The following RBFOX1 variants were observed in gnomAD, a reference collection of about 807,000 sequenced individuals.
RBFOX1 encodes the protein RNA binding fox-1 homolog 1, also known as RNA binding protein fox-1 homolog 1.
A neutral mutation model predicts 57.7 loss-of-function variants in RBFOX1; 8 were observed. The ratio of observed to expected loss-of-function variants is 0.14; its 90% CI spans 0.08 to 0.25. The LOEUF (loss-of-function observed/expected upper bound fraction) is 0.25. RBFOX1 is among the 10% of genes least tolerant of loss of function. The probability of loss-of-function intolerance (pLI) is 1.00; values close to 1 mark genes in which losing one functional copy is unlikely to be tolerated. For synonymous variants in RBFOX1, 326 were observed against 222.4 expected (o/e 1.47, Z -4.15); for missense variants, 611 against 548.5 (o/e 1.11, Z -1.14).
chr16:5,543,412 G>A (rs868421284), intron 2 of RBFOX1, among the ~76,000 whole-genome samples: 3 of 152,058 alleles, frequency 2.0e-5, no homozygotes, highest in African/African-American at 4.8e-5. Flanking sequence ...TGAAATCAAC[G>A]GCGGATTAGA....
chr16:7,241,688 T>G (rs2094068888), intron 4 of RBFOX1, among the ~76,000 whole-genome samples: 1 of 152,122 alleles, frequency 6.6e-6, no homozygotes, highest in Non-Finnish European at 1.5e-5. Context: ...AATCTACATC[T>G]GGATGACAAA....
intron 4 of RBFOX1, among the ~76,000 whole-genome samples, chr16:7,503,066 T>C (rs2071534563): frequency 2.0e-5 from 3 of 152,086 alleles, no homozygotes; most frequent in Admixed American, 6.6e-5. Flanking sequence ...ATGTCCAAGA[T>C]TATGGCGTCC....
intron 1 of RBFOX1, among the ~76,000 whole-genome samples, chr16:6,131,230 T>G (rs1423617824): frequency 6.6e-6 from 1 of 152,248 alleles, no homozygotes; most frequent in African/African-American, 2.4e-5. Context: ...TAGTTATATG[T>G]GTGTACACAT....
At chr16:5,631,479 C>T (rs905294453) in intron 3 of RBFOX1, among the ~76,000 whole-genome samples, 3 of 151,872 alleles carry the variant, frequency 2.0e-5, no homozygotes, top group African/African-American at 7.2e-5. Flanking sequence ...ATCTCTTGAA[C>T]CAAGGAGGCG....
intron 4 of RBFOX1, among the ~76,000 whole-genome samples, chr16:7,412,238 A>C (rs1375378187): frequency 2.0e-5 from 3 of 151,686 alleles, no homozygotes; most frequent in Admixed American, 2.0e-4. Flanking sequence ...AACATGGTGA[A>C]ACCCCATCTC....
intron 1 of RBFOX1, among the ~76,000 whole-genome samples, chr16:5,299,987 T>C (rs1274783471): frequency 6.6e-6 from 1 of 152,148 alleles, no homozygotes; most frequent in Non-Finnish European, 1.5e-5. Flanking sequence ...CCTGAGGGTT[T>C]TTTATAAAAA....
intron 1 of RBFOX1, among the ~76,000 whole-genome samples, chr16:6,093,772 C>G (rs1323346204): frequency 6.6e-6 from 1 of 151,598 alleles, no homozygotes; most frequent in African/African-American, 2.4e-5. Flanking sequence ...CAGGTGCATT[C>G]CAGCATGCCC....
intron 1 of RBFOX1, among the ~76,000 whole-genome samples, chr16:6,225,136 A>T (rs2097406741): frequency 6.6e-6 from 1 of 151,884 alleles, no homozygotes; most frequent in Non-Finnish European, 1.5e-5. Context: ...GGTAGAGAAC[A>T]GTGGAAGAGT....
intron 3 of RBFOX1, among the ~76,000 whole-genome samples, chr16:6,889,800 G>T (rs1408746784): frequency 1.3e-5 from 2 of 152,176 alleles, no homozygotes; most frequent in East Asian, 3.9e-4. Flanking sequence ...GATTTTAGGA[G>T]TTCTATAAGT....
At chr16:7,161,859 A>C (rs891102776) in intron 4 of RBFOX1, among the ~76,000 whole-genome samples, 1 of 152,238 alleles carries the variant, frequency 6.6e-6, no homozygotes, top group African/African-American at 2.4e-5. Flanking sequence ...CGTTCAATTG[A>C]TTTCCATTTG....
intron 2 of RBFOX1, among the ~76,000 whole-genome samples, chr16:6,525,145 G>C (rs2096561154): frequency 6.6e-6 from 1 of 152,108 alleles, no homozygotes; most frequent in Non-Finnish European, 1.5e-5. Context: ...TATTTATTGG[G>C]AATTGCTTGC....
intron 2 of RBFOX1, among the ~76,000 whole-genome samples, chr16:5,529,389 C>CTTTTTTT (rs56820577): frequency 7.6e-6 from 1 of 130,930 alleles, no homozygotes. Context: ...TGGCCAGTGT[C>CTTTTTTT]TTTTTTTTTT....
intron 3 of RBFOX1, among the ~76,000 whole-genome samples, chr16:7,015,928 G>A (rs2093887664): frequency 6.6e-6 from 1 of 152,086 alleles, no homozygotes; most frequent in African/African-American, 2.4e-5. Flanking sequence ...TCTCTTTGAA[G>A]GGTAAAGACC....
intron 2 of RBFOX1, among the ~76,000 whole-genome samples, chr16:6,585,799 C>G (rs1364752200): frequency 1.3e-5 from 2 of 152,118 alleles, no homozygotes; most frequent in South Asian, 2.1e-4. Flanking sequence ...CTTTCTTTCT[C>G]TCCTCTTTGA....
chr16:7,178,210 T>G (rs181460721), intron 4 of RBFOX1, among the ~76,000 whole-genome samples: 5 of 152,358 alleles, frequency 3.3e-5, no homozygotes, highest in East Asian at 1.9e-4. Context: ...AGGGAAACTT[T>G]CCTCCACACA....
intron 14 of RBFOX1, among the ~76,000 whole-genome samples, chr16:7,689,053 C>G (rs116768206): frequency 6.9e-4 from 105 of 152,178 alleles, no homozygotes; most frequent in African/African-American, 2.5e-3. Flanking sequence ...TGTAACTTTT[C>G]CATGCCTCAG....
chr16:6,928,872 A>G (rs2076064239), intron 3 of RBFOX1, among the ~76,000 whole-genome samples: 1 of 152,134 alleles, frequency 6.6e-6, no homozygotes, highest in South Asian at 2.1e-4. Context: ...CACCATCATC[A>G]CCACAGAAAC....
chr16:6,340,859 T>C (rs1003592810), intron 2 of RBFOX1, among the ~76,000 whole-genome samples: 6 of 152,144 alleles, frequency 3.9e-5, no homozygotes, highest in African/African-American at 1.4e-4. Context: ...CACATGCCTT[T>C]GACACAAGAG....
chr16:7,687,838 G>A (rs2076392826), intron 14 of RBFOX1, among the ~76,000 whole-genome samples: 1 of 151,992 alleles, frequency 6.6e-6, no homozygotes, highest in Non-Finnish European at 1.5e-5. Flanking sequence ...AGATACATAT[G>A]TTCAGAGAGG....
Sources: gnomAD v4.1 joint callset for allele counts (sites outside exome capture counted in the v4.1 genomes callset) on GRCh38, gnomAD v4.1.1 for gene constraint, MANE v1.5 for transcripts, NCBI Gene and HGNC (gene_info 2026-07-23, HGNC 2026-07-21) for gene names.